The following PRMT8 variants were observed in gnomAD, a reference collection of about 807,000 sequenced individuals.
The protein encoded by PRMT8 is protein arginine methyltransferase 8.
In PRMT8, 7 loss-of-function variants were observed where a neutral mutation model predicts 47.1. The observed-to-expected ratio is 0.15, with a 90% CI of 0.08 to 0.28. The LOEUF (loss-of-function observed/expected upper bound fraction) is 0.28. PRMT8 is among the 10% of genes least tolerant of loss of function. The pLI is 1.00. For missense variants in PRMT8, 237 were observed against 505.4 expected (o/e 0.47, Z 5.09); for synonymous variants, 188 against 186.5 (o/e 1.01, Z -0.07).
At position 3,550,148 on chromosome 12, in the gene PRMT8, C is replaced by T. The variant is rs536952339; in HGVS notation, c.417+57C>T. On this transcript the variant is annotated intron_variant, in intron 3 of 9. Coordinates refer to ENST00000382622, the MANE Select transcript of PRMT8 (RefSeq NM_019854.5). This position sits in a 1 kb window ranked among gnomAD's most constrained non-coding sequence, Gnocchi z 5.1. ...TTCCACAGAGCCAGCCTCTTGCCCT[C>T]TGCCTCCACCCGCCCTTCTAGAAGT... 1.9e-6 allele frequency: 3 copies of T among 1,594,834 alleles called. No homozygotes were observed. The highest frequency in any genetic ancestry group is 2.6e-6 in the Non-Finnish European group (3 of 1,166,460).
intron 1 of PRMT8, among the ~76,000 whole-genome samples, chr12:3,387,912 C>T (rs907096194): frequency 2.0e-5 from 3 of 152,134 alleles, no homozygotes; most frequent in African/African-American, 4.8e-5. Flanking sequence ...CATTCTCTTA[C>T]GTAACTAAGA....
At chr12:3,392,990 T>C (rs1370679781) in intron 1 of PRMT8, among the ~76,000 whole-genome samples, 1 of 152,228 alleles carries the variant, frequency 6.6e-6, no homozygotes, top group Non-Finnish European at 1.5e-5. Context: ...TCATGTGTTT[T>C]TTGGCTGCAT....
intron 1 of PRMT8, among the ~76,000 whole-genome samples, chr12:3,526,981 A>G (rs1443137868): frequency 1.3e-5 from 2 of 152,304 alleles, no homozygotes; most frequent in Non-Finnish European, 2.9e-5. Context: ...ATTTACATTT[A>G]ATGTAATTAT....
chr12:3,531,453 C>T (rs1316047623), intron 1 of PRMT8, among the ~76,000 whole-genome samples: 1 of 152,178 alleles, frequency 6.6e-6, no homozygotes, highest in Non-Finnish European at 1.5e-5. Flanking sequence ...GCTTGGGAGA[C>T]AAGTGACTAA....
chr12:3,424,509 A>G (rs894230271), intron 1 of PRMT8, among the ~76,000 whole-genome samples: 24 of 152,204 alleles, frequency 1.6e-4, no homozygotes, highest in African/African-American at 2.4e-4. Flanking sequence ...ACTGCTATTA[A>G]TGATAGCACA....
At chr12:3,512,116 A>T (rs1268495788) in intron 1 of PRMT8, among the ~76,000 whole-genome samples, 1 of 152,278 alleles carries the variant, frequency 6.6e-6, no homozygotes, top group South Asian at 2.1e-4. Context: ...GACTCACTGC[A>T]GTGGACTCTC....
intron 4 of PRMT8, among the ~76,000 whole-genome samples, chr12:3,560,454 A>T (rs926288599): frequency 6.6e-6 from 1 of 152,166 alleles, no homozygotes; most frequent in Non-Finnish European, 1.5e-5. Flanking sequence ...TGTGTGGCCC[A>T]CACGCGCGCT....
intron 4 of PRMT8, among the ~76,000 whole-genome samples, chr12:3,565,577 C>T (rs1436167858): frequency 1.3e-5 from 2 of 152,132 alleles, no homozygotes; most frequent in East Asian, 1.9e-4. Flanking sequence ...AACAGAAGTC[C>T]AGACTGTTGA....
At position 3,576,968 on chromosome 12, in the gene PRMT8, C is replaced by A. The variant is rs1364302669; in HGVS notation, c.810C>A (p.Thr270=). ...TCGTGGATCCAAAGCAAGTGGTGAC[C>A]AATGCCTGTTTGATAAAGGTCTGGA... ...VDIVDPKQVV[T]NACLIKEVDI... The change falls in exon 7 of 10, where the codon ACC becomes ACA. Residue 270 remains threonine (T), a synonymous_variant. Transcript: ENST00000382622. This position sits in a 1 kb window ranked among gnomAD's most constrained non-coding sequence, Gnocchi z 4.0. 1.2e-6 allele frequency: 2 copies of A among 1,613,926 alleles called. No homozygotes were observed. Among genetic ancestry groups the A allele is most frequent in the Middle Eastern group, 1.6e-4 (1 of 6,084 alleles).
intron 1 of PRMT8, among the ~76,000 whole-genome samples, chr12:3,431,301 G>C (rs894667054): frequency 2.7e-5 from 4 of 150,056 alleles, no homozygotes; most frequent in African/African-American, 9.7e-5. Context: ...AGTGGGCACA[G>C]AGAGAGAGAG....
chr12:3,403,876 CAA>C (rs1315547758), intron 1 of PRMT8, among the ~76,000 whole-genome samples: 3 of 75,184 alleles, frequency 4.0e-5, no homozygotes, highest in South Asian at 4.8e-4. Flanking sequence ...GACTCTGTCT[CAA>C]AAAAAAAAAA....
At chr12:3,401,637 A>G (rs967619141) in intron 1 of PRMT8, among the ~76,000 whole-genome samples, 2 of 152,232 alleles carry the variant, frequency 1.3e-5, no homozygotes, top group African/African-American at 4.8e-5. Flanking sequence ...GTCTCAGGAT[A>G]TAAAATCAGT....
At position 3,568,809 on chromosome 12, in the gene PRMT8, C is replaced by T; in HGVS notation, c.585C>T (p.Ser195=). The T allele has an allele frequency of 6.2e-7, 1 of 1,614,194 alleles. No individual in the cohort carries two copies. Among genetic ancestry groups the T allele is most frequent in the Non-Finnish European group, 8.5e-7 (1 of 1,180,048 alleles). Residue 195 remains serine, a synonymous_variant, in exon 5 of 10, where the codon TCC becomes TCT. Transcript: ENST00000382622. Reference sequence around the variant, plus strand: ...TGGGCTACTGTCTGTTCTATGAGTCCATGCTCAACACGGTGATCTTTGCCA... The same window carrying T: ...TGGGCTACTGTCTGTTCTATGAGTCTATGCTCAACACGGTGATCTTTGCCA... ...EWMGYCLFYE[S]MLNTVIFARD...
intron 4 of PRMT8, among the ~76,000 whole-genome samples, chr12:3,556,916 G>A (rs1866538192): frequency 6.6e-6 from 1 of 152,228 alleles, no homozygotes; most frequent in Non-Finnish European, 1.5e-5. Flanking sequence ...CACAGGTGGA[G>A]AGGCGGCCTT....
intron 1 of PRMT8, among the ~76,000 whole-genome samples, chr12:3,402,015 A>T (rs1565399247): frequency 6.6e-6 from 1 of 152,242 alleles, no homozygotes; most frequent in East Asian, 1.9e-4. Flanking sequence ...AAGAGCCCAA[A>T]TAGCCAAGAC....
In PRMT8 at chr12:3,583,275, A is replaced by C. The variant is rs1867107286; in HGVS notation, c.979+67A>C. 6.6e-7 allele frequency: 1 copy of C among 1,508,440 alleles called. No homozygotes were observed. Among genetic ancestry groups the C allele is most frequent in the Admixed American group, 2.0e-5 (1 of 49,040 alleles). The allele number at this position is 1,508,440 out of a possible 1,614,324, so 93.4% of individuals were successfully genotyped here. A position where few individuals can be genotyped will look rare whatever the true frequency, so the allele number is the denominator to read the frequency against. The stretch of plus-strand genomic sequence containing the variant: ...TGCTTCCTCAAGTCTTTGTGGGGTG[A>C]CCAGAGCTGGCCTTGACTTGGGGAG... On this transcript the variant is annotated intron_variant, in intron 8 of 9. Coordinates refer to ENST00000382622, the MANE Select transcript of PRMT8 (RefSeq NM_019854.5). The surrounding 1 kb of genome is among the most constrained non-coding windows in gnomAD (Gnocchi z 4.7).
rs185157560 is a variant in PRMT8, at chr12:3,398,799, C to T, written c.48+17357C>T. Reference sequence around the variant, plus strand: ...GGAAGCCCAGGGTCAGTCATGATGACGTTAGGAGGCTCACCAGGCAGGGGG... The same window carrying T: ...GGAAGCCCAGGGTCAGTCATGATGATGTTAGGAGGCTCACCAGGCAGGGGG... On this transcript the variant is annotated intron_variant, in intron 1 of 9. Transcript: ENST00000452611. Among the ~76,000 whole-genome samples the T allele has an allele frequency of 4.6e-5, 7 of 152,282 alleles. No homozygotes were observed. In the East Asian group the frequency reaches 7.7e-4, roughly 17 times the overall value.
Position 3,540,613 on chromosome 12 carries a change from G to GGCCCCCCCCCC in PRMT8, c.83_84insGCCCCCCCCCC (p.Ser28ArgfsTer42). ...CCCTTCTCTTCCCCTCAGGTGAACAGCCCCCCCTCCCAGCCCCCCCAGCCC... is the reference window on the plus strand; with the variant it reads ...CCCTTCTCTTCCCCTCAGGTGAACAGGCCCCCCCCCCCCCCCCCTCCCAGCCCCCCCAGCCC... On this transcript the variant is annotated frameshift_variant, in exon 2 of 10. Coordinates refer to ENST00000382622, the MANE Select transcript of PRMT8 (RefSeq NM_019854.5). LOFTEE classifies it high-confidence loss of function. 9.7e-6 allele frequency: 11 copies of GGCCCCCCCCCC among 1,130,520 alleles called. No individual in the cohort carries two copies. Among genetic ancestry groups the GGCCCCCCCCCC allele is most frequent in the Non-Finnish European group, 1.3e-5 (10 of 752,490 alleles). 70.0% of individuals were successfully genotyped at this position (1,130,520 alleles called of 1,614,324 possible).
At chr12:3,545,879 T>C (rs1408238196) in intron 2 of PRMT8, among the ~76,000 whole-genome samples, 1 of 152,258 alleles carries the variant, frequency 6.6e-6, no homozygotes, top group East Asian at 1.9e-4. Flanking sequence ...TTGACATTTT[T>C]AGAACATTTC....
Sources: allele counts gnomAD v4.1 joint callset (sites outside exome capture counted in the v4.1 genomes callset), GRCh38; gene constraint gnomAD v4.1.1; non-coding constraint Gnocchi (gnomAD v3.1); transcripts MANE v1.5; gene names NCBI Gene and HGNC (gene_info 2026-07-23, HGNC 2026-07-21).